ERI1: variants seen among roughly 807,000 people sequenced by gnomAD.
ERI1 encodes exoribonuclease 1, also known as 3'-5' exoribonuclease 1.
Under a neutral mutation model 39.7 loss-of-function variants are expected in ERI1, and 39 were observed. The observed-to-expected ratio is 0.98, with a 90% CI of 0.76 to 1.28. The LOEUF is 1.28. Ranked by LOEUF, ERI1 falls within the 50% of genes most tolerant of loss-of-function variation. The pLI, the probability that ERI1 is intolerant of heterozygous loss-of-function variation, is 0.00. For missense variants in ERI1, 581 were observed against 416.9 expected (o/e 1.39, Z -3.43); for synonymous variants, 204 against 149.6 (o/e 1.36, Z -2.65).
At chr8:9,019,629 G>T (rs1041609799) in intron 5 of ERI1, among the ~76,000 whole-genome samples, 1 of 152,136 alleles carries the variant, frequency 6.6e-6, no homozygotes, top group East Asian at 1.9e-4. Context: ...GTGAGGTTGC[G>T]TCAAAGTATA....
intron 3 of ERI1, among the ~76,000 whole-genome samples, chr8:9,094,807 A>C (rs993162976): frequency 1.3e-5 from 2 of 152,172 alleles, no homozygotes; most frequent in Non-Finnish European, 1.5e-5. Flanking sequence ...GTGTTTTGCT[A>C]AATTTAAAGA....
At chr8:9,022,303 T>C (rs1284231265) in intron 6 of ERI1, among the ~76,000 whole-genome samples, 1 of 152,252 alleles carries the variant, frequency 6.6e-6, no homozygotes, top group Non-Finnish European at 1.5e-5. Context: ...AGTCTGTTTT[T>C]TCATTACCTG....
At chr8:9,066,563 A>G (rs936885779) in intron 3 of ERI1, among the ~76,000 whole-genome samples, 6 of 152,208 alleles carry the variant, frequency 3.9e-5, no homozygotes, top group African/African-American at 1.4e-4. Flanking sequence ...GTGACAAATG[A>G]CAGGCAGAAA....
At chr8:9,021,823 A>G (rs1368375203) in intron 6 of ERI1, among the ~76,000 whole-genome samples, 1 of 124,420 alleles carries the variant, frequency 8.0e-6, no homozygotes, top group Non-Finnish European at 1.6e-5. Context: ...CACGTCTTGT[A>G]TGTCACTGCA....
chr8:9,020,514 T>G, intron 6 of ERI1, 50 bp downstream of exon 6: 1 of 1,214,404 alleles, frequency 8.2e-7, no homozygotes. Flanking sequence ...ATAAATTTGT[T>G]AAAATTTGCA....
At chr8:9,069,622 T>A (rs992435839) in intron 3 of ERI1, among the ~76,000 whole-genome samples, 4 of 152,238 alleles carry the variant, frequency 2.6e-5, no homozygotes, top group Non-Finnish European at 5.9e-5. Context: ...ACTTGAAAAT[T>A]ACTCTAATGC....
intron 1 of ERI1, 51 bp downstream of exon 1, chr8:9,003,222 A>G: frequency 5.3e-6 from 6 of 1,140,498 alleles, no homozygotes; most frequent in South Asian, 4.4e-5. Flanking sequence ...CCCGTCCCCA[A>G]AGCGCCCTCG....
At chr8:9,064,914 T>TG (rs1257704038) in intron 3 of ERI1, among the ~76,000 whole-genome samples, 1 of 151,248 alleles carries the variant, frequency 6.6e-6, no homozygotes, top group Non-Finnish European at 1.5e-5. Flanking sequence ...GAGACAGGGG[T>TG]GGGGCTGTTT....
chr8:9,077,029 C>G (rs73197728), intron 3 of ERI1, among the ~76,000 whole-genome samples: 15,373 of 152,274 alleles, frequency 0.1, 980 homozygotes, highest in Non-Finnish European at 0.15. Context: ...CATGCTCTTC[C>G]CCTTCCAATG....
At chr8:9,092,939 G>A (rs905451765) in intron 3 of ERI1, among the ~76,000 whole-genome samples, 3 of 152,180 alleles carry the variant, frequency 2.0e-5, no homozygotes, top group Non-Finnish European at 4.4e-5. Flanking sequence ...GGCTTCTGGT[G>A]GTTTGCTGGG....
chr8:9,096,156 C>T (rs1306528891), intron 3 of ERI1, among the ~76,000 whole-genome samples: 8 of 152,190 alleles, frequency 5.3e-5, no homozygotes, highest in Non-Finnish European at 1.0e-4. Context: ...GCATTCAGTG[C>T]AGAGCAAACA....
intron 2 of ERI1, among the ~76,000 whole-genome samples, chr8:9,010,078 T>C (rs573630224): frequency 6.6e-6 from 1 of 152,348 alleles, no homozygotes; most frequent in African/African-American, 2.4e-5. Context: ...TTTGCCATGC[T>C]CAACGAAGCT....
In ERI1 at chr8:9,021,417, AT is replaced by A. The variant is rs138654016; in HGVS notation, c.807+958del. ...ATTCTCATGCATTAGATACTATGTC[AT>A]TTTTCTCCCTTTACAGTTTCATTTT... On this transcript the variant is annotated intron_variant, in intron 6 of 6. Coordinates refer to ENST00000250263, the MANE Select transcript of ERI1 (RefSeq NM_153332.4). Among the ~76,000 whole-genome samples, 281 of 152,100 alleles carry A rather than the reference AT, an allele frequency of 1.8e-3. 1 individual carries two copies. Among genetic ancestry groups the A allele is most frequent in the Non-Finnish European group, 2.9e-3 (194 of 67,962 alleles).
chr8:9,096,202 A>G (rs1476458835), intron 3 of ERI1, among the ~76,000 whole-genome samples: 1 of 152,214 alleles, frequency 6.6e-6, no homozygotes, highest in Non-Finnish European at 1.5e-5. Flanking sequence ...TGAAAAGTCA[A>G]CAGTGCCTTT....
chr8:9,087,482 C>G (rs1275190630), intron 3 of ERI1, among the ~76,000 whole-genome samples: 2 of 139,134 alleles, frequency 1.4e-5, no homozygotes, highest in East Asian at 2.1e-4. Flanking sequence ...AGGCTGGTCT[C>G]GAACTCCTGA....
intron 3 of ERI1, among the ~76,000 whole-genome samples, chr8:9,058,195 G>A (rs1202264700): frequency 1.3e-5 from 2 of 152,198 alleles, no homozygotes; most frequent in Admixed American, 6.5e-5. Flanking sequence ...GCCCTCACGT[G>A]GCCCTGGAGC....
intron 2 of ERI1, chr8:9,009,229 C>A (rs1195687934): frequency 5.8e-6 from 2 of 347,186 alleles, no homozygotes; most frequent in African/African-American, 4.3e-5. Flanking sequence ...AGATATGTTC[C>A]CCACTTTGGC....
chr8:9,057,100 T>C (rs772747661), intron 3 of ERI1, among the ~76,000 whole-genome samples: 2 of 152,062 alleles, frequency 1.3e-5, no homozygotes, highest in Non-Finnish European at 2.9e-5. Flanking sequence ...CCAAAAGTGC[T>C]AGGATTACAG....
At chr8:9,046,408 A>G (rs1254354102) in intron 3 of ERI1, among the ~76,000 whole-genome samples, 1 of 152,184 alleles carries the variant, frequency 6.6e-6, no homozygotes, top group Non-Finnish European at 1.5e-5. Context: ...AGACCTCTGC[A>G]GTTCCTGAGG....
Sources: allele counts gnomAD v4.1 joint callset (sites outside exome capture counted in the v4.1 genomes callset), GRCh38; gene constraint gnomAD v4.1.1; transcripts MANE v1.5; gene names NCBI Gene and HGNC (gene_info 2026-07-23, HGNC 2026-07-21).